Variants in KCNT2 observed in about 807,000 individuals in gnomAD.
The protein encoded by KCNT2 is potassium channel subfamily T member 2.
KCNT2 carries 67 observed loss-of-function variants against 153.8 expected under a neutral mutation model. That is an observed-to-expected ratio of 0.44 (90% CI 0.36 to 0.53). The LOEUF (loss-of-function observed/expected upper bound fraction) is 0.53. Among genes scored for constraint, KCNT2 ranks in the 20% least tolerant of loss-of-function variants. The pLI is 0.00. For synonymous variants in KCNT2, 500 were observed against 458.8 expected, an observed-to-expected ratio of 1.09 and a Z score of -1.15; for missense variants, 975 against 1,354.8, an observed-to-expected ratio of 0.72 and a Z score of 4.40.
intron 8 of KCNT2, among the ~76,000 whole-genome samples, chr1:196,434,674 CCATCAAGAT>C (rs538312818): frequency 5.9e-5 from 9 of 151,886 alleles, no homozygotes; most frequent in Non-Finnish European, 1.0e-4. Context: ...CCTGTACCAC[CCATCAAGAT>C]ATGAAGTCTA....
intron 5 of KCNT2, among the ~76,000 whole-genome samples, chr1:196,475,047 G>A (rs866475202): frequency 2.0e-5 from 3 of 152,224 alleles, no homozygotes; most frequent in South Asian, 2.1e-4. Context: ...ATTTAGTTAT[G>A]CTTATTTTAG....
intron 11 of KCNT2, among the ~76,000 whole-genome samples, chr1:196,425,538 G>C (rs748361636): frequency 6.6e-6 from 1 of 152,002 alleles, no homozygotes; most frequent in Non-Finnish European, 1.5e-5. Context: ...CTAACAGTGA[G>C]TCTGGATACC....
chr1:196,548,389 C>CA (rs1021812014), intron 1 of KCNT2, among the ~76,000 whole-genome samples: 2 of 151,800 alleles, frequency 1.3e-5, no homozygotes, highest in African/African-American at 4.8e-5. Context: ...TTTATGCAGC[C>CA]AAAAAACACA....
At chr1:196,236,209 T>C in intron 26 of KCNT2, 139 bp from the exon 27 acceptor site, 1 of 601,224 alleles carries the variant, frequency 1.7e-6, no homozygotes, top group Admixed American at 2.8e-5. Context: ...ATTGTGCACA[T>C]AAGTTTGGCT....
At chr1:196,272,331 T>C (rs941130009) in intron 25 of KCNT2, among the ~76,000 whole-genome samples, 2 of 151,922 alleles carry the variant, frequency 1.3e-5, no homozygotes, top group South Asian at 4.1e-4. Flanking sequence ...GGCTGCACTA[T>C]GCAAGATATT....
chr1:196,527,054 T>A (rs1177921687), intron 1 of KCNT2, among the ~76,000 whole-genome samples: 1 of 152,144 alleles, frequency 6.6e-6, no homozygotes, highest in African/African-American at 2.4e-5. Context: ...GTGCTCCTTA[T>A]GAGAATCTAA....
Position 196,411,804 on chromosome 1 carries a change from T to G in KCNT2, c.1185+11246A>C, listed in dbSNP as rs1226682813. On this transcript the variant is annotated intron_variant, in intron 12 of 27. Coordinates refer to ENST00000294725, the MANE Select transcript of KCNT2 (RefSeq NM_198503.5). ...CTCCCTTATCCACAGGGGTGGGGGA[T>G]ATATTCCAAGACCTTCAGTGGATGC... Among the ~76,000 whole-genome samples the G allele has an allele frequency of 2.0e-5, 3 of 151,826 alleles. No homozygotes were observed. In the East Asian group the frequency reaches 5.8e-4, roughly 29 times the overall value.
At chr1:196,276,678 A>G (rs1273898941) in intron 25 of KCNT2, among the ~76,000 whole-genome samples, 2 of 151,968 alleles carry the variant, frequency 1.3e-5, no homozygotes, top group Non-Finnish European at 1.5e-5. Context: ...TGGGAAGGAT[A>G]TTTTTGGAGA....
chr1:196,591,770 A>G (rs1663391320), intron 1 of KCNT2, among the ~76,000 whole-genome samples: 2 of 152,188 alleles, frequency 1.3e-5, no homozygotes, highest in South Asian at 2.1e-4. Context: ...AGCAAGATTA[A>G]GTTAAATTTG....
At chr1:196,400,268 A>C (rs1427473377) in intron 12 of KCNT2, among the ~76,000 whole-genome samples, 1 of 151,794 alleles carries the variant, frequency 6.6e-6, no homozygotes, top group African/African-American at 2.4e-5. Flanking sequence ...ACAATTTTAA[A>C]GGAAAGGGAA....
chr1:196,481,530 T>C (rs371996588), intron 4 of KCNT2, among the ~76,000 whole-genome samples: 38 of 152,348 alleles, frequency 2.5e-4, no homozygotes, highest in African/African-American at 8.7e-4. Context: ...AGTCTTTCTC[T>C]TTCCTCCAGA....
chr1:196,528,242 C>G (rs1431547135), intron 1 of KCNT2, among the ~76,000 whole-genome samples: 1 of 152,180 alleles, frequency 6.6e-6, no homozygotes, highest in Non-Finnish European at 1.5e-5. Context: ...AAGTTAGAAT[C>G]AGATGTAGAA....
chr1:196,479,930 A>G (rs1309861036), intron 4 of KCNT2, among the ~76,000 whole-genome samples: 1 of 152,230 alleles, frequency 6.6e-6, no homozygotes, highest in Non-Finnish European at 1.5e-5. Context: ...AATAAAATAG[A>G]CCATACCACC....
intron 1 of KCNT2, among the ~76,000 whole-genome samples, chr1:196,521,687 C>T (rs954448107): frequency 9.2e-5 from 14 of 152,024 alleles, no homozygotes; most frequent in African/African-American, 3.4e-4. Context: ...CCTTAGCAAA[C>T]CAACATAGAA....
intron 21 of KCNT2, among the ~76,000 whole-genome samples, chr1:196,305,969 G>A (rs1661592452): frequency 6.6e-6 from 1 of 151,892 alleles, no homozygotes; most frequent in Admixed American, 6.6e-5. Context: ...CTTCCCATTT[G>A]ACACTCTCTC....
chr1:196,595,592 T>C (rs1663957833), intron 1 of KCNT2, among the ~76,000 whole-genome samples: 1 of 152,182 alleles, frequency 6.6e-6, no homozygotes, highest in Non-Finnish European at 1.5e-5. Context: ...AGTATAAATC[T>C]AGATTACTTA....
intron 13 of KCNT2, among the ~76,000 whole-genome samples, chr1:196,382,339 C>T (rs562840135): frequency 1.3e-4 from 19 of 151,846 alleles, no homozygotes; most frequent in African/African-American, 4.1e-4. Context: ...GATCTCCTGA[C>T]CTTGTGATCC....
intron 12 of KCNT2, among the ~76,000 whole-genome samples, chr1:196,417,156 T>C (rs549077063): frequency 6.6e-6 from 1 of 152,226 alleles, no homozygotes; most frequent in Non-Finnish European, 1.5e-5. Context: ...AGCCTGCCAC[T>C]TTTTCTTGTA....
At chr1:196,378,420 A>G (rs1669154963) in intron 13 of KCNT2, among the ~76,000 whole-genome samples, 1 of 152,106 alleles carries the variant, frequency 6.6e-6, no homozygotes, top group Admixed American at 6.6e-5. Flanking sequence ...TTTGAGCTGG[A>G]TGTGTCATTT....
Sources: allele counts gnomAD v4.1 joint callset (sites outside exome capture counted in the v4.1 genomes callset), GRCh38; gene constraint gnomAD v4.1.1; transcripts MANE v1.5; gene names NCBI Gene and HGNC (gene_info 2026-07-23, HGNC 2026-07-21).